PTK2: variants seen among roughly 807,000 people sequenced by gnomAD.
PTK2 encodes the protein protein tyrosine kinase 2, also known as focal adhesion kinase 1.
In PTK2, 45 loss-of-function variants were observed where a neutral mutation model predicts 150.1. The observed-to-expected ratio is 0.30, with a 90% confidence interval of 0.24 to 0.38. The LOEUF (loss-of-function observed/expected upper bound fraction) is 0.38. Ranked by LOEUF, PTK2 falls within the 10% of genes least tolerant of loss-of-function variation. The pLI is 1.00. For missense variants in PTK2, 919 were observed against 1,307.3 expected, an observed-to-expected ratio of 0.70 and a Z score of 4.58; for synonymous variants, 432 against 449.2, an observed-to-expected ratio of 0.96 and a Z score of 0.48.
chr8:140,665,066 T>TA (rs2088965136), intron 30 of PTK2, 69 bp from the exon 35 acceptor site: 3 of 1,372,892 alleles, frequency 2.2e-6, no homozygotes, highest in East Asian at 4.7e-5. Flanking sequence ...CAGTTATATA[T>TA]TTTTTTATTT....
intron 2 of PTK2, among the ~76,000 whole-genome samples, chr8:140,899,311 C>T (rs2100157528): frequency 6.6e-6 from 1 of 152,156 alleles, no homozygotes; most frequent in Non-Finnish European, 1.5e-5. Flanking sequence ...CCAAGATTCC[C>T]TCGGTTTTCT....
At chr8:140,813,484 T>G (rs1469905789) in intron 10 of PTK2, among the ~76,000 whole-genome samples, 1 of 151,582 alleles carries the variant, frequency 6.6e-6, no homozygotes, top group Non-Finnish European at 1.5e-5. Context: ...AAATCATGAC[T>G]GAGAAATTTG....
At chr8:140,952,674 A>C (rs2100179900) in intron 1 of PTK2, among the ~76,000 whole-genome samples, 1 of 152,258 alleles carries the variant, frequency 6.6e-6, no homozygotes, top group Non-Finnish European at 1.5e-5. Flanking sequence ...AGTTTATGAG[A>C]TATGTACTGT....
intron 8 of PTK2, among the ~76,000 whole-genome samples, chr8:140,829,505 G>A (rs1203676834): frequency 2.0e-5 from 3 of 152,052 alleles, no homozygotes; most frequent in African/African-American, 4.8e-5. Flanking sequence ...TATTAATCTC[G>A]TGTTAGAAAT....
chr8:140,878,259 T>C (rs920388177), intron 4 of PTK2, among the ~76,000 whole-genome samples: 1 of 152,220 alleles, frequency 6.6e-6, no homozygotes, highest in East Asian at 1.9e-4. Context: ...AATACAGCTA[T>C]ATTTCTTTGA....
chr8:140,671,910 C>T (rs1400194290), intron 29 of PTK2, among the ~76,000 whole-genome samples: 1 of 137,622 alleles, frequency 7.3e-6, no homozygotes, highest in African/African-American at 2.8e-5. Context: ...CCAGCCTGGG[C>T]AACAGAGTGA....
chr8:140,718,489 GCAGA>G (rs1291096559), intron 22 of PTK2: 3 of 152,176 alleles, frequency 2.0e-5, no homozygotes, highest in African/African-American at 7.2e-5. Context: ...CCAGGGCTCA[GCAGA>G]CAGTTTGAAA....
At chr8:140,854,929 A>C (rs529924293) in intron 5 of PTK2, among the ~76,000 whole-genome samples, 44 of 152,182 alleles carry the variant, frequency 2.9e-4, no homozygotes, top group Non-Finnish European at 5.9e-4. Context: ...TGGTAGAAAT[A>C]ATTTAAACAT....
intron 1 of PTK2, among the ~76,000 whole-genome samples, chr8:140,943,935 C>T (rs1343711152): frequency 6.6e-6 from 1 of 152,088 alleles, no homozygotes; most frequent in Non-Finnish European, 1.5e-5. Flanking sequence ...TATTGAGACA[C>T]CTATCTTTTT....
intron 12 of PTK2, 99 bp from the exon 13 acceptor site, chr8:140,793,483 T>A: frequency 1.6e-6 from 2 of 1,282,072 alleles, no homozygotes. Context: ...TATACTGGTA[T>A]TCCAGCAATG....
intron 2 of PTK2, among the ~76,000 whole-genome samples, chr8:140,894,865 AG>A (rs1390387277): frequency 6.6e-6 from 1 of 152,212 alleles, no homozygotes; most frequent in East Asian, 1.9e-4. Context: ...ACGCTATAGA[AG>A]ATCTGAAGAG....
chr8:140,910,533 G>C (rs141734484), intron 2 of PTK2, among the ~76,000 whole-genome samples: 15 of 152,208 alleles, frequency 9.9e-5, no homozygotes, highest in African/African-American at 3.4e-4. Flanking sequence ...AGAATATTAA[G>C]GGACTCCAAC....
chr8:140,954,329 CA>C (rs2100180509), intron 1 of PTK2, among the ~76,000 whole-genome samples: 1 of 152,176 alleles, frequency 6.6e-6, no homozygotes, highest in Admixed American at 6.5e-5. Flanking sequence ...CTCGGCCTCC[CA>C]AAGTGCTGGG....
At chr8:140,866,297 A>G (rs968077065) in intron 4 of PTK2, among the ~76,000 whole-genome samples, 13 of 152,334 alleles carry the variant, frequency 8.5e-5, no homozygotes, top group Non-Finnish European at 1.5e-4. Flanking sequence ...ATTAAAGATA[A>G]GGAAAAAGGT....
intron 4 of PTK2, among the ~76,000 whole-genome samples, chr8:140,869,636 G>A (rs779746131): frequency 1.3e-5 from 2 of 151,734 alleles, no homozygotes; most frequent in Non-Finnish European, 1.5e-5. Flanking sequence ...AGTTACCTCC[G>A]GAAGCAAAGA....
intron 10 of PTK2, among the ~76,000 whole-genome samples, chr8:140,813,606 A>G (rs2100102889): frequency 6.6e-6 from 1 of 152,226 alleles, no homozygotes; most frequent in Non-Finnish European, 1.5e-5. Context: ...AATGAGAACC[A>G]AGACACAATG....
intron 1 of PTK2, among the ~76,000 whole-genome samples, chr8:140,999,019 C>G (rs986840898): frequency 1.3e-5 from 2 of 152,316 alleles, no homozygotes; most frequent in Non-Finnish European, 2.9e-5. Flanking sequence ...CACAATTTCA[C>G]TGCTGGATTC....
At chr8:140,786,860 T>C (rs1362316108) in intron 14 of PTK2, among the ~76,000 whole-genome samples, 1 of 152,042 alleles carries the variant, frequency 6.6e-6, no homozygotes, top group African/African-American at 2.4e-5. Flanking sequence ...TATTTTTATA[T>C]GTAATGATGA....
chr8:140,845,227 G>A (rs1214277526), intron 7 of PTK2, among the ~76,000 whole-genome samples: 1 of 152,062 alleles, frequency 6.6e-6, no homozygotes, highest in Non-Finnish European at 1.5e-5. Context: ...TTGAAATGAT[G>A]AGTCAGCGAT....
Sources: gnomAD v4.1 joint callset for allele counts (sites outside exome capture counted in the v4.1 genomes callset) on GRCh38, gnomAD v4.1.1 for gene constraint, MANE v1.5 for transcripts, NCBI Gene and HGNC (gene_info 2026-07-23, HGNC 2026-07-21) for gene names.